The following ZNF69 variants were observed in gnomAD, a reference collection of about 807,000 sequenced individuals.
ZNF69 encodes the protein ZNF3.
In ZNF69, 47 loss-of-function variants were observed where a neutral mutation model predicts 50.9. The ratio of observed to expected loss-of-function variants is 0.92; its 90% confidence interval spans 0.73 to 1.18. The LOEUF is 1.18. ZNF69 is among the 50% of genes most tolerant of loss of function. ZNF69 has a pLI of 0.00. For missense variants in ZNF69, 717 were observed against 675.1 expected (o/e 1.06, Z -0.69); for synonymous variants, 216 against 223.1 (o/e 0.97, Z 0.29).
the ZNF69 span, among the ~76,000 whole-genome samples, chr19:11,954,733 AGAACCAAAGCCTGG>A: frequency 6.6e-6 from 1 of 151,900 alleles, no homozygotes; most frequent in Non-Finnish European, 1.5e-5. Context: ...AGGCAGAAGG[AGAACCAAAGCCTGG>A]GAGGTTGATG....
the ZNF69 span, among the ~76,000 whole-genome samples, chr19:11,957,321 C>G: frequency 1.3e-5 from 2 of 151,684 alleles, no homozygotes; most frequent in African/African-American, 4.8e-5. Flanking sequence ...ATCTCAATCT[C>G]CTGACCTCGT....
At chr19:11,889,622 G>A (rs1977033515) in intron 1 of ZNF69, among the ~76,000 whole-genome samples, 1 of 152,198 alleles carries the variant, frequency 6.6e-6, no homozygotes, top group Non-Finnish European at 1.5e-5. Context: ...CGCACCTGAA[G>A]GGGGCCTGCC....
chr19:11,898,429 T>C (rs1972174362), intron 1 of ZNF69, among the ~76,000 whole-genome samples: 1 of 148,052 alleles, frequency 6.8e-6, no homozygotes, highest in Non-Finnish European at 1.5e-5. Context: ...CTCGCTCTGT[T>C]GCCCAGGCTG....
chr19:11,979,949 C>T, the ZNF69 span: 2 of 1,282,350 alleles, frequency 1.6e-6, no homozygotes, highest in East Asian at 4.8e-5. Flanking sequence ...ATTTCAAATA[C>T]CTGAAAAATC....
intron 4 of ZNF69, among the ~76,000 whole-genome samples, chr19:11,912,398 G>C (rs1277155474): frequency 6.6e-6 from 1 of 152,074 alleles, no homozygotes; most frequent in Non-Finnish European, 1.5e-5. Context: ...CATTCAGCTT[G>C]CCTACTTCCT....
chr19:11,935,233 GTT>G, the ZNF69 span, among the ~76,000 whole-genome samples: 5,650 of 92,576 alleles, frequency 0.061, 160 homozygotes, highest in African/African-American at 0.16. Flanking sequence ...GAAAGATCTT[GTT>G]TTTTTTTTTT....
the ZNF69 span, among the ~76,000 whole-genome samples, chr19:11,957,157 T>C: frequency 6.6e-6 from 1 of 151,106 alleles, no homozygotes; most frequent in African/African-American, 2.4e-5. Context: ...AGTGGCACGA[T>C]CTCAGCTCAC....
the ZNF69 span, among the ~76,000 whole-genome samples, chr19:11,961,503 T>A: frequency 6.6e-6 from 1 of 152,252 alleles, no homozygotes; most frequent in Non-Finnish European, 1.5e-5. Context: ...CTACCTGGAA[T>A]GTCTCCAAAT....
At chr19:11,911,867 T>C (rs1346248339) in intron 4 of ZNF69, among the ~76,000 whole-genome samples, 1 of 152,186 alleles carries the variant, frequency 6.6e-6, no homozygotes, top group East Asian at 1.9e-4. Context: ...CTTATAAATG[T>C]AAGATATGTG....
At chr19:11,958,736 A>G in the ZNF69 span, among the ~76,000 whole-genome samples, 1 of 152,058 alleles carries the variant, frequency 6.6e-6, no homozygotes, top group Non-Finnish European at 1.5e-5. Flanking sequence ...ATGTGTAACT[A>G]TTGGAGTGTG....
At position 11,903,891 on chromosome 19, in the gene ZNF69, T is replaced by C; in HGVS notation, c.191-14T>C. 1 of 1,612,866 alleles carries C rather than the reference T, an allele frequency of 6.2e-7. No individual in the cohort carries two copies. Among genetic ancestry groups the C allele is most frequent in the South Asian group, 1.1e-5 (1 of 90,602 alleles). ...ATACTGCCTCAGGACTATTTTTCTG[T>C]GTCTATATTTTAGGAAAAAGTTGGA... On this transcript the variant is annotated splice_polypyrimidine_tract_variant and intron_variant, in intron 2 of 3. Transcript: ENST00000429654.
intron 4 of ZNF69, among the ~76,000 whole-genome samples, chr19:11,912,980 G>A (rs1187782695): frequency 3.3e-5 from 5 of 152,266 alleles, no homozygotes; most frequent in Non-Finnish European, 7.4e-5. Context: ...GGCAGATCAC[G>A]AGGCCAGGAG....
the ZNF69 span, chr19:11,956,359 A>G: frequency 6.2e-3 from 2,359 of 380,756 alleles, 6 homozygotes; most frequent in Non-Finnish European, 9.2e-3. Context: ...ATTTCTCAAT[A>G]TGTTTATTGA....
At chr19:11,954,996 ATTTTTTTTTT>A in the ZNF69 span, among the ~76,000 whole-genome samples, 2 of 101,714 alleles carry the variant, frequency 2.0e-5, no homozygotes, top group Non-Finnish European at 3.8e-5. Flanking sequence ...TTTCAAAAAA[ATTTTTTTTTT>A]TTTTTTTTTT....
At chr19:11,891,731 G>A (rs961652744) in intron 1 of ZNF69, among the ~76,000 whole-genome samples, 1 of 152,126 alleles carries the variant, frequency 6.6e-6, no homozygotes, top group East Asian at 1.9e-4. Flanking sequence ...AGGACATTCT[G>A]TTGTTGTGGG....
the ZNF69 span, among the ~76,000 whole-genome samples, chr19:11,957,177 C>T: frequency 1.3e-5 from 2 of 151,894 alleles, no homozygotes; most frequent in South Asian, 4.2e-4. Flanking sequence ...CTGCAACCTC[C>T]ACCTCCCGGT....
At chr19:11,969,677 G>A in the ZNF69 span, among the ~76,000 whole-genome samples, 17 of 152,244 alleles carry the variant, frequency 1.1e-4, no homozygotes, top group East Asian at 2.3e-3. Context: ...GGGATGCAGC[G>A]TCTCAAATCC....
At chr19:11,945,033 G>A in the ZNF69 span, among the ~76,000 whole-genome samples, 1 of 152,232 alleles carries the variant, frequency 6.6e-6, no homozygotes, top group South Asian at 2.1e-4. Flanking sequence ...GTGGGTACAA[G>A]GTAGGCCACT....
At chr19:11,897,420 A>G (rs1873142745) in intron 1 of ZNF69, among the ~76,000 whole-genome samples, 1 of 152,132 alleles carries the variant, frequency 6.6e-6, no homozygotes, top group Admixed American at 6.6e-5. Flanking sequence ...TTGCCTATAC[A>G]AAAAATTACC....
Sources: gnomAD v4.1 joint callset for allele counts (sites outside exome capture counted in the v4.1 genomes callset) on GRCh38, gnomAD v4.1.1 for gene constraint, MANE v1.5 for transcripts, NCBI Gene and HGNC (gene_info 2026-07-23, HGNC 2026-07-21) for gene names.